SLC2A13: variants seen among roughly 807,000 people sequenced by gnomAD.
The protein encoded by SLC2A13 is proton myo-inositol cotransporter.
In SLC2A13, 32 loss-of-function variants were observed where a neutral mutation model predicts 64.4. The observed-to-expected ratio is 0.50, with a 90% CI of 0.37 to 0.67. SLC2A13 has a LOEUF of 0.67. SLC2A13 is among the 30% of genes least tolerant of loss of function. The pLI is 0.00. For missense variants in SLC2A13, 743 were observed against 829.2 expected (o/e 0.90, Z 1.28); for synonymous variants, 338 against 327.1 (o/e 1.03, Z -0.36).
chr12:39,975,035 C>A (rs1480582393), intron 3 of SLC2A13, among the ~76,000 whole-genome samples: 1 of 152,126 alleles, frequency 6.6e-6, no homozygotes, highest in Non-Finnish European at 1.5e-5. Flanking sequence ...TGCATTCTTT[C>A]TTTTCAATGT....
intron 7 of SLC2A13, among the ~76,000 whole-genome samples, chr12:39,768,267 T>C (rs1166939741): frequency 6.6e-6 from 1 of 152,152 alleles, no homozygotes; most frequent in Non-Finnish European, 1.5e-5. Flanking sequence ...GGGAATGTTG[T>C]GGCTGGTTTG....
intron 3 of SLC2A13, among the ~76,000 whole-genome samples, chr12:39,981,088 G>T (rs1433629372): frequency 3.3e-5 from 5 of 151,828 alleles, no homozygotes; most frequent in East Asian, 3.9e-4. Flanking sequence ...GGTACATAAC[G>T]AAATGAAGGC....
At chr12:39,829,392 CTTTTTTTTTTT>C (rs1202354539) in intron 7 of SLC2A13, 4 of 65,796 alleles carry the variant, frequency 6.1e-5, no homozygotes, top group Non-Finnish European at 1.0e-4. Flanking sequence ...GATAGTAATT[CTTTTTTTTTTT>C]TTTTTTTTTT....
intron 7 of SLC2A13, among the ~76,000 whole-genome samples, chr12:39,797,222 C>T (rs888011493): frequency 3.3e-5 from 5 of 152,136 alleles, no homozygotes; most frequent in African/African-American, 1.2e-4. Flanking sequence ...CGCCAACATA[C>T]CTAAACCTTT....
At chr12:39,960,744 C>CTTTTTTTTTTTTTTTTTTTTTTTTTTTT in intron 3 of SLC2A13, among the ~76,000 whole-genome samples, 1 of 108,846 alleles carries the variant, frequency 9.2e-6, no homozygotes, top group Non-Finnish European at 1.7e-5. Flanking sequence ...CTGTCTCATT[C>CTTTTTTTTTTTTTTTTTTTTTTTTTTTT]TTTTTTTTTT....
rs1027888159 is a variant in SLC2A13 at position 39,775,901 on chromosome 12, C to T, written c.1446-11043G>A. ...TGCTTACTGGTTGAGCACCCCTAAT[C>T]TGAAATCCAAAATGCTCCAATGAGC... On this transcript the variant is annotated intron_variant, in intron 7 of 9. Transcript: ENST00000280871. Among the ~76,000 whole-genome samples, 6 of 152,182 alleles carry T rather than the reference C, an allele frequency of 3.9e-5. No homozygotes were observed. The East Asian group carries it at 1.2e-3, about 29-fold the overall frequency.
intron 6 of SLC2A13, among the ~76,000 whole-genome samples, chr12:39,852,205 C>T (rs1943487292): frequency 6.6e-6 from 1 of 152,176 alleles, no homozygotes; most frequent in Non-Finnish European, 1.5e-5. Flanking sequence ...TCACATGAAT[C>T]CGTGTTTTCA....
Position 39,759,362 on chromosome 12 carries a change from A to AGAT in SLC2A13, c.*661_*663dup, listed in dbSNP as rs1940055902. 1 of 152,252 alleles carries AGAT rather than the reference A, an allele frequency of 6.6e-6. No homozygotes were observed. The highest frequency in any genetic ancestry group is 1.5e-5 in the Non-Finnish European group (1 of 67,954). 9.4% of individuals were successfully genotyped at this position (152,252 alleles called of 1,614,324 possible). ...AAAAGAAGTATGAAAACAACCCGAC[A>AGAT]GATTATATTTTCATAATGTTCAAAA... On this transcript the variant is annotated 3_prime_UTR_variant, in exon 10 of 10. Transcript: ENST00000280871.
At chr12:39,965,527 A>G (rs11564222) in intron 3 of SLC2A13, among the ~76,000 whole-genome samples, 2,553 of 152,300 alleles carry the variant, frequency 0.017, 129 homozygotes, top group East Asian at 0.12. Flanking sequence ...GAATAAAGTA[A>G]TCCAATTTAC....
At chr12:39,760,976 A>ACACACAC (rs1236073642) in intron 9 of SLC2A13, among the ~76,000 whole-genome samples, 6 of 150,256 alleles carry the variant, frequency 4.0e-5, no homozygotes, top group East Asian at 2.0e-4. Flanking sequence ...ACACACACAT[A>ACACACAC]ATTGAATTGC....
At chr12:40,051,487 G>C (rs1162918419) in intron 1 of SLC2A13, among the ~76,000 whole-genome samples, 1 of 152,156 alleles carries the variant, frequency 6.6e-6, no homozygotes, top group Non-Finnish European at 1.5e-5. Flanking sequence ...CATGAGCTCT[G>C]TTCTCGTGGA....
chr12:39,864,675 C>G (rs998426597), intron 6 of SLC2A13, 87 bp downstream of exon 6: 1 of 1,532,044 alleles, frequency 6.5e-7, no homozygotes, highest in East Asian at 2.3e-5. Context: ...CAAGCTCCTA[C>G]TCATCTCTAC....
At chr12:40,003,281 G>A (rs566652383) in intron 3 of SLC2A13, among the ~76,000 whole-genome samples, 2 of 152,258 alleles carry the variant, frequency 1.3e-5, no homozygotes, top group South Asian at 2.1e-4. Context: ...AATAGTATAT[G>A]AATTACCCTA....
chr12:40,040,454 G>A (rs147405808), intron 2 of SLC2A13, among the ~76,000 whole-genome samples: 80 of 152,060 alleles, frequency 5.3e-4, no homozygotes, highest in Non-Finnish European at 7.5e-4. Flanking sequence ...GTGCAGTGGC[G>A]TGATCTTGGC....
intron 1 of SLC2A13, among the ~76,000 whole-genome samples, chr12:40,100,183 T>A (rs1217576023): frequency 1.3e-5 from 2 of 152,208 alleles, no homozygotes; most frequent in Non-Finnish European, 1.5e-5. Flanking sequence ...CAAATTGTGT[T>A]CAAGTAGAGG....
At chr12:40,082,641 T>TA (rs1248194523) in intron 1 of SLC2A13, among the ~76,000 whole-genome samples, 1 of 152,160 alleles carries the variant, frequency 6.6e-6, no homozygotes, top group Admixed American at 6.5e-5. Context: ...TAAAGCCACC[T>TA]AGAGGAGTAC....
At chr12:40,104,184 C>G (rs1939229119) in intron 1 of SLC2A13, among the ~76,000 whole-genome samples, 1 of 152,136 alleles carries the variant, frequency 6.6e-6, no homozygotes, top group African/African-American at 2.4e-5. Context: ...ACTTCAACAG[C>G]ACCCTAAGGG....
chr12:39,905,112 T>C (rs968098742), intron 4 of SLC2A13, among the ~76,000 whole-genome samples: 2 of 152,150 alleles, frequency 1.3e-5, no homozygotes, highest in African/African-American at 4.8e-5. Flanking sequence ...TGAACAATTT[T>C]AAAATCAGAA....
intron 3 of SLC2A13, among the ~76,000 whole-genome samples, chr12:39,956,124 T>C (rs1481900778): frequency 1.3e-5 from 2 of 152,154 alleles, no homozygotes; most frequent in African/African-American, 4.8e-5. Flanking sequence ...TTCAGCATCT[T>C]CAATGCAACA....
Sources: allele counts gnomAD v4.1 joint callset (sites outside exome capture counted in the v4.1 genomes callset), GRCh38; gene constraint gnomAD v4.1.1; transcripts MANE v1.5; gene names NCBI Gene and HGNC (gene_info 2026-07-23, HGNC 2026-07-21).